The following SNX10 variants were observed in gnomAD, a reference collection of about 807,000 sequenced individuals.
SNX10 encodes the protein sorting nexin-10.
A neutral mutation model predicts 28.5 loss-of-function variants in SNX10; 25 were observed. The ratio of observed to expected loss-of-function variants is 0.88; its 90% CI spans 0.64 to 1.22. The LOEUF (loss-of-function observed/expected upper bound fraction) is 1.22, where lower values mean the gene tolerates loss of function less well. SNX10 is among the 50% of genes most tolerant of loss of function. SNX10 has a pLI of 0.00. For synonymous variants in SNX10, 62 were observed against 81.4 expected (o/e 0.76, Z 1.28); for missense variants, 223 against 242.6 (o/e 0.92, Z 0.54).
chr7:26,352,679 T>C (rs1788653713), intron 2 of SNX10, among the ~76,000 whole-genome samples: 1 of 152,162 alleles, frequency 6.6e-6, no homozygotes, highest in Admixed American at 6.5e-5. Context: ...ATGAACCACA[T>C]AATCACATGT....
intron 5 of SNX10, among the ~76,000 whole-genome samples, chr7:26,368,219 T>C (rs1346182179): frequency 6.6e-6 from 1 of 152,196 alleles, no homozygotes; most frequent in Non-Finnish European, 1.5e-5. Context: ...AAAGAAATTA[T>C]AGGAAAGATG....
chr7:26,357,076 A>G, intron 2 of SNX10: 7 of 1,226,666 alleles, frequency 5.7e-6, no homozygotes, highest in Non-Finnish European at 7.5e-6. Context: ...GTCTTACAAG[A>G]CAGCCTAAGC....
At position 26,312,117 on chromosome 7, in the gene SNX10, A is replaced by G. The variant is rs548765474; in HGVS notation, c.-24+20031A>G. Among the ~76,000 whole-genome samples the G allele has an allele frequency of 3.3e-5, 5 of 152,340 alleles. No individual in the cohort carries two copies. In the East Asian group the frequency reaches 7.7e-4, roughly 24 times the overall value. ...TTAGTTTCTGTACATTATGGCCCAT[A>G]GCACATTATGGCAAGGATGTAATTC... On this transcript the variant is annotated intron_variant, in intron 1 of 6. Coordinates refer to ENST00000338523, the MANE Select transcript of SNX10 (RefSeq NM_013322.3).
At chr7:26,315,599 C>T (rs564637651) in intron 1 of SNX10, among the ~76,000 whole-genome samples, 76 of 151,312 alleles carry the variant, frequency 5.0e-4, no homozygotes, top group Non-Finnish European at 9.4e-4. Context: ...ACCCAGGAGG[C>T]GGAGGTTGCA....
chr7:26,363,164 G>A (rs1475593305), intron 3 of SNX10, among the ~76,000 whole-genome samples: 1 of 152,186 alleles, frequency 6.6e-6, no homozygotes, highest in Admixed American at 6.5e-5. Flanking sequence ...TCCACCCACA[G>A]GATGTTATTT....
At chr7:26,300,643 C>T (rs1017268966) in intron 1 of SNX10, among the ~76,000 whole-genome samples, 9 of 152,136 alleles carry the variant, frequency 5.9e-5, no homozygotes, top group Non-Finnish European at 1.3e-4. Flanking sequence ...CAGCCTCCAT[C>T]TCTGAAGGCA....
intron 2 of SNX10, among the ~76,000 whole-genome samples, chr7:26,357,922 A>C (rs1021611739): frequency 1.3e-5 from 2 of 152,064 alleles, no homozygotes; most frequent in Admixed American, 1.3e-4. Context: ...AGGTGCCTGC[A>C]CTGGGATGGA....
chr7:26,364,024 G>A lies in SNX10; in HGVS notation c.112-511G>A, dbSNP rs547011010. 2.2e-4 allele frequency among the ~76,000 whole-genome samples: 33 copies of A among 152,250 alleles called. No individual in the cohort carries two copies. Among genetic ancestry groups the A allele is most frequent in the African/African-American group, 7.2e-4 (30 of 41,528 alleles). On this transcript the variant is annotated intron_variant, in intron 3 of 6. Coordinates refer to ENST00000338523, the MANE Select transcript of SNX10 (RefSeq NM_013322.3). This position sits in a 1 kb window ranked among gnomAD's most constrained non-coding sequence, Gnocchi z 4.9. ...CTCCCTCTCACATACAGTAGAGAAGGGAATGCTGTTCTCTAGGATTTCTGG... is the reference window on the plus strand; with the variant it reads ...CTCCCTCTCACATACAGTAGAGAAGAGAATGCTGTTCTCTAGGATTTCTGG...
chr7:26,298,005 T>C (rs1395910450), intron 1 of SNX10, among the ~76,000 whole-genome samples: 5 of 152,080 alleles, frequency 3.3e-5, no homozygotes, highest in Non-Finnish European at 5.9e-5. Flanking sequence ...CCGAGGCAGG[T>C]GGATCACTTG....
chr7:26,308,558 C>T (rs1187434216), intron 1 of SNX10, among the ~76,000 whole-genome samples: 3 of 152,290 alleles, frequency 2.0e-5, no homozygotes, highest in South Asian at 4.1e-4. Context: ...AGGCTGAACA[C>T]GTGGAGGTTC....
At chr7:26,298,801 C>G (rs1786206737) in intron 1 of SNX10, among the ~76,000 whole-genome samples, 1 of 152,204 alleles carries the variant, frequency 6.6e-6, no homozygotes, top group East Asian at 1.9e-4. Context: ...AGTTCTCTCC[C>G]TGGCTTGCAG....
chr7:26,301,315 C>T (rs1219508346), intron 1 of SNX10, among the ~76,000 whole-genome samples: 1 of 152,160 alleles, frequency 6.6e-6, no homozygotes, highest in Non-Finnish European at 1.5e-5. Context: ...CTACAGATGT[C>T]ATGTCCTTGA....
At chr7:26,353,701 C>G (rs956563935) in intron 2 of SNX10, among the ~76,000 whole-genome samples, 5 of 152,158 alleles carry the variant, frequency 3.3e-5, no homozygotes, top group Admixed American at 6.5e-5. Flanking sequence ...ATCTGCCTGC[C>G]TTGGCCTCCC....
chr7:26,312,334 AAAAC>A, intron 1 of SNX10, among the ~76,000 whole-genome samples: 1 of 152,258 alleles, frequency 6.6e-6, no homozygotes, highest in South Asian at 2.1e-4. Context: ...CACCATAAGC[AAAAC>A]AAACAGATTA....
At chr7:26,303,122 C>A (rs1306342956) in intron 1 of SNX10, among the ~76,000 whole-genome samples, 1 of 152,218 alleles carries the variant, frequency 6.6e-6, no homozygotes, top group Non-Finnish European at 1.5e-5. Flanking sequence ...CTGTTGGTGG[C>A]AGATCCCCTA....
chr7:26,341,090 G>A (rs1306904662), intron 1 of SNX10, among the ~76,000 whole-genome samples: 1 of 152,172 alleles, frequency 6.6e-6, no homozygotes, highest in Non-Finnish European at 1.5e-5. Flanking sequence ...TTGAGGCCAG[G>A]AGTTCGAGAC....
At chr7:26,359,710 C>G (rs562392307) in intron 2 of SNX10, among the ~76,000 whole-genome samples, 27 of 151,598 alleles carry the variant, frequency 1.8e-4, no homozygotes, top group African/African-American at 5.6e-4. Flanking sequence ...TGTCGCCAGG[C>G]TGGAGTGCAG....
At chr7:26,319,071 G>T (rs1787210576) in intron 1 of SNX10, among the ~76,000 whole-genome samples, 1 of 152,192 alleles carries the variant, frequency 6.6e-6, no homozygotes, top group African/African-American at 2.4e-5. Context: ...TCAAACCCCT[G>T]TGTCAGTGGA....
intron 1 of SNX10, among the ~76,000 whole-genome samples, chr7:26,313,843 C>T (rs558201649): frequency 8.5e-5 from 13 of 152,168 alleles, no homozygotes; most frequent in South Asian, 2.1e-4. Context: ...CTCACTCTAT[C>T]GCCAGGCTGA....
Sources: allele counts gnomAD v4.1 joint callset (sites outside exome capture counted in the v4.1 genomes callset), GRCh38; gene constraint gnomAD v4.1.1; non-coding constraint Gnocchi (gnomAD v3.1); transcripts MANE v1.5; gene names NCBI Gene and HGNC (gene_info 2026-07-23, HGNC 2026-07-21).